The following THSD4 variants were observed in gnomAD, a reference collection of about 807,000 sequenced individuals.
The protein encoded by THSD4 is thrombospondin type 1 domain containing 4.
A neutral mutation model predicts 119.0 loss-of-function variants in THSD4; 69 were observed. The observed-to-expected ratio is 0.58, with a 90% confidence interval of 0.48 to 0.71. The LOEUF is 0.71. Among genes scored for constraint, THSD4 ranks in the 30% least tolerant of loss-of-function variants. The pLI is 0.00. For missense variants in THSD4, 1,393 were observed against 1,391.1 expected (o/e 1.00, Z -0.02); for synonymous variants, 524 against 540.4 (o/e 0.97, Z 0.42).
intron 8 of THSD4, among the ~76,000 whole-genome samples, chr15:71,707,728 T>C (rs1289874081): frequency 6.6e-6 from 1 of 152,200 alleles, no homozygotes; most frequent in Non-Finnish European, 1.5e-5. Context: ...TCCTGAATCA[T>C]AGGCTCCTAA....
intron 6 of THSD4, among the ~76,000 whole-genome samples, chr15:71,333,784 A>G (rs2045457620): frequency 6.6e-6 from 1 of 152,204 alleles, no homozygotes; most frequent in Non-Finnish European, 1.5e-5. Flanking sequence ...TTAAGGTAGT[A>G]CCAAGCAGAC....
intron 6 of THSD4, among the ~76,000 whole-genome samples, chr15:71,323,556 A>G (rs1242942978): frequency 6.6e-6 from 1 of 152,234 alleles, no homozygotes; most frequent in Non-Finnish European, 1.5e-5. Flanking sequence ...CCAGGTAGTC[A>G]TCTTGAGCTT....
intron 7 of THSD4, among the ~76,000 whole-genome samples, chr15:71,426,835 A>G (rs963985825): frequency 6.6e-6 from 1 of 152,192 alleles, no homozygotes; most frequent in Non-Finnish European, 1.5e-5. Flanking sequence ...ATTGAGTATT[A>G]TATGTATCTG....
chr15:71,181,799 A>G (rs1222512426), intron 3 of THSD4, among the ~76,000 whole-genome samples: 1 of 152,202 alleles, frequency 6.6e-6, no homozygotes, highest in African/African-American at 2.4e-5. Flanking sequence ...AGCCATAATC[A>G]TTCCTCTTCC....
chr15:71,359,509 T>C (rs771830926), intron 6 of THSD4, among the ~76,000 whole-genome samples: 20 of 152,126 alleles, frequency 1.3e-4, no homozygotes, highest in Non-Finnish European at 2.5e-4. Flanking sequence ...CAAGCTGGGA[T>C]TGAAATCTGG....
intron 7 of THSD4, among the ~76,000 whole-genome samples, chr15:71,590,367 A>G (rs2049770415): frequency 7.2e-6 from 1 of 138,126 alleles, no homozygotes; most frequent in African/African-American, 2.5e-5. Flanking sequence ...GGCCATTCTC[A>G]TTATGCAGCC....
At chr15:71,447,126 T>G (rs1313633899) in intron 7 of THSD4, among the ~76,000 whole-genome samples, 1 of 139,324 alleles carries the variant, frequency 7.2e-6, no homozygotes, top group African/African-American at 2.7e-5. Flanking sequence ...TTGTTTTTTT[T>G]TTTTTTTTTT....
chr15:71,352,565 T>C (rs1375145413), intron 6 of THSD4, among the ~76,000 whole-genome samples: 3 of 152,220 alleles, frequency 2.0e-5, no homozygotes, highest in Admixed American at 6.5e-5. Flanking sequence ...ATAGACACCC[T>C]AGGACTTAGA....
chr15:71,136,707 G>T (rs1299752462), intron 1 of THSD4, among the ~76,000 whole-genome samples: 4 of 152,094 alleles, frequency 2.6e-5, no homozygotes, highest in Non-Finnish European at 4.4e-5. Context: ...CCTGCAGTGG[G>T]GCCTTCCTGA....
chr15:71,383,063 G>GT (rs986327607), intron 6 of THSD4, among the ~76,000 whole-genome samples: 7 of 152,200 alleles, frequency 4.6e-5, no homozygotes, highest in African/African-American at 1.2e-4. Flanking sequence ...CCCCATCATT[G>GT]TTTTTTTAAA....
intron 4 of THSD4, among the ~76,000 whole-genome samples, chr15:71,218,152 G>A (rs1018498427): frequency 6.6e-6 from 1 of 152,206 alleles, no homozygotes; most frequent in African/African-American, 2.4e-5. Flanking sequence ...TAGAGGTAAG[G>A]AAATAGAGTC....
chr15:71,458,840 A>G (rs530853242), intron 7 of THSD4, among the ~76,000 whole-genome samples: 1 of 152,316 alleles, frequency 6.6e-6, no homozygotes, highest in African/African-American at 2.4e-5. Flanking sequence ...GATCTCTGCA[A>G]CTTTAGGTTA....
At position 71,553,570 on chromosome 15, in the gene THSD4, A is replaced by G. The variant is rs1001194958; in HGVS notation, c.1153-106960A>G. Among the ~76,000 whole-genome samples the G allele has an allele frequency of 3.3e-5, 5 of 152,076 alleles. No individual in the cohort carries two copies. The East Asian group carries it at 9.7e-4, about 29-fold the overall frequency. ...TCGAGCTCCTGACCTCAGGTGATCC[A>G]CCCGCCTTGAACTCTCAAAATGCTG... On this transcript the variant is annotated intron_variant, in intron 7 of 17. Transcript: ENST00000261862.
At chr15:71,408,192 A>G (rs1014953312) in intron 6 of THSD4, among the ~76,000 whole-genome samples, 3 of 151,932 alleles carry the variant, frequency 2.0e-5, no homozygotes, top group African/African-American at 4.8e-5. Flanking sequence ...TAAAGTGAAT[A>G]TCCATGCAAA....
At chr15:71,303,613 T>C (rs559758843) in intron 6 of THSD4, among the ~76,000 whole-genome samples, 8 of 152,304 alleles carry the variant, frequency 5.3e-5, no homozygotes, top group African/African-American at 1.9e-4. Context: ...ATCTTCTCTT[T>C]CCAGTTTTCC....
At chr15:71,197,127 A>C (rs115935309) in intron 3 of THSD4, among the ~76,000 whole-genome samples, 167 of 152,314 alleles carry the variant, frequency 1.1e-3, no homozygotes, top group African/African-American at 4.0e-3. Context: ...GCTTAGTGCA[A>C]CAGAACTATT....
intron 6 of THSD4, among the ~76,000 whole-genome samples, chr15:71,367,131 C>T (rs1372786998): frequency 1.3e-5 from 2 of 152,132 alleles, no homozygotes; most frequent in African/African-American, 2.4e-5. Flanking sequence ...ACAGGAACAA[C>T]CCATTGTGTT....
intron 7 of THSD4, among the ~76,000 whole-genome samples, chr15:71,449,486 G>A (rs1445595169): frequency 6.6e-6 from 1 of 152,156 alleles, no homozygotes; most frequent in African/African-American, 2.4e-5. Context: ...AAATATGGAG[G>A]TGATAATAAA....
intron 6 of THSD4, among the ~76,000 whole-genome samples, chr15:71,314,198 T>G (rs1265645587): frequency 6.6e-6 from 1 of 152,334 alleles, no homozygotes; most frequent in East Asian, 1.9e-4. Context: ...GAATTATATC[T>G]TGATTTTTTT....
Sources: gnomAD v4.1 joint callset for allele counts (sites outside exome capture counted in the v4.1 genomes callset) on GRCh38, gnomAD v4.1.1 for gene constraint, MANE v1.5 for transcripts, NCBI Gene and HGNC (gene_info 2026-07-23, HGNC 2026-07-21) for gene names.